UBXN2B: variants seen among roughly 807,000 people sequenced by gnomAD.
UBXN2B encodes UBX domain protein 2B, also known as UBX domain-containing protein 2B.
A neutral mutation model predicts 37.5 loss-of-function variants in UBXN2B; 19 were observed. The ratio of observed to expected loss-of-function variants is 0.51; its 90% CI spans 0.35 to 0.74. The LOEUF (loss-of-function observed/expected upper bound fraction) is 0.74, where lower values mean the gene tolerates loss of function less well. UBXN2B is among the 30% of genes least tolerant of loss of function. The pLI, the probability that UBXN2B is intolerant of heterozygous loss-of-function variation, is 0.01. For synonymous variants in UBXN2B, 145 were observed against 143.8 expected (o/e 1.01, Z -0.06); for missense variants, 370 against 393.2 (o/e 0.94, Z 0.50).
intron 5 of UBXN2B, chr8:58,434,866 T>C (rs1808372339): frequency 6.5e-7 from 1 of 1,535,522 alleles, no homozygotes; most frequent in African/African-American, 1.4e-5. Flanking sequence ...AGGGTGACTC[T>C]CATTGCATGT....
chr8:58,419,268 A>G (rs377101518), intron 2 of UBXN2B, among the ~76,000 whole-genome samples: 5 of 152,332 alleles, frequency 3.3e-5, no homozygotes, highest in African/African-American at 1.2e-4. Context: ...TTGATTTCAT[A>G]TTCAATATCG....
chr8:58,445,938 T>C lies in UBXN2B; in HGVS notation c.703T>C (p.Ser235Pro). The change falls in exon 7 of 8, where the codon TCT becomes CCT. Residue 235 changes from serine (S) to proline (P), a missense_variant. By Grantham distance (74) the Ser-to-Pro change is moderately conservative (BLOSUM62 -1). Transcript: ENST00000399598. ...LTPEIVSTPS[S>P]PEEEDKSILN... ...ACCTGAAATAGTCAGTACACCTTCC[T>C]CTCCAGAAGAGGAGGATAAATCAAT... 6.2e-7 allele frequency: 1 copy of C among 1,610,716 alleles called. No homozygotes were observed. The highest frequency in any genetic ancestry group is 8.5e-7 in the Non-Finnish European group (1 of 1,178,976).
At chr8:58,435,164 A>G (rs775240742) in intron 5 of UBXN2B, 4 of 1,333,236 alleles carry the variant, frequency 3.0e-6, no homozygotes, top group Non-Finnish European at 3.9e-6. Context: ...AGTTGAGCAT[A>G]AACTGGGGAA....
In UBXN2B at chr8:58,443,911, G is replaced by A. The variant is rs554436931; in HGVS notation, c.672-1996G>A. ...CAGCTATCTGTCTGTGTGGTTCTGAGCATGTCTTTTAGTCTCTCTGTGACT... is the reference window on the plus strand; with the variant it reads ...CAGCTATCTGTCTGTGTGGTTCTGAACATGTCTTTTAGTCTCTCTGTGACT... On this transcript the variant is annotated intron_variant, in intron 6 of 7. Coordinates refer to ENST00000399598, the MANE Select transcript of UBXN2B (RefSeq NM_001077619.2). Among the ~76,000 whole-genome samples, 9 of 152,254 alleles carry A rather than the reference G, an allele frequency of 5.9e-5. No homozygotes were observed. The South Asian group carries it at 1.7e-3, about 28-fold the overall frequency.
rs1379052783 is a variant in UBXN2B, at chr8:58,425,572, T to G, written c.189-4947T>G. 6.6e-6 allele frequency: 7 copies of G among 1,062,812 alleles called. No homozygotes were observed. The Admixed American group carries it at 6.9e-5, about 11-fold the overall frequency. The allele number at this position is 1,062,812 out of a possible 1,614,324, so 65.8% of individuals were successfully genotyped here. ...GTTTTTGTTTTCTTGCCTTTTACCC[T>G]CTTTTCGGCCGTAGAGAAGTATGCA... is the stretch of plus-strand genomic sequence containing the variant. On this transcript the variant is annotated intron_variant, in intron 2 of 7. Transcript: ENST00000399598.
At chr8:58,434,780 T>C in intron 5 of UBXN2B, 1 of 1,525,184 alleles carries the variant, frequency 6.6e-7, no homozygotes, top group Non-Finnish European at 8.8e-7. Context: ...AGAAGAAACA[T>C]CTTAATGTGA....
intron 6 of UBXN2B, among the ~76,000 whole-genome samples, chr8:58,445,031 C>G (rs1340459326): frequency 1.3e-5 from 2 of 152,136 alleles, no homozygotes; most frequent in East Asian, 3.8e-4. Context: ...AGGAAACCAT[C>G]TAAATCTCAG....
chr8:58,434,536 T>C (rs368824049), intron 5 of UBXN2B, 32 bp downstream of exon 5: 13 of 1,443,508 alleles, frequency 9.0e-6, no homozygotes, highest in Non-Finnish European at 1.2e-5. Flanking sequence ...CTATTTGTTA[T>C]GTAGAGTGGG....
chr8:58,451,194 A>T lies in UBXN2B; in HGVS notation c.*3643A>T, dbSNP rs1347930168. On this transcript the variant is annotated 3_prime_UTR_variant, in exon 8 of 8. Transcript: ENST00000399598. ...TTATCAGTTGAGTGCCTATAGATGC[A>T]CATACAAAAACAACTGCCATTTTTG... is the stretch of plus-strand genomic sequence containing the variant. The T allele has an allele frequency of 1.3e-5, 2 of 152,544 alleles. No homozygotes were observed. The highest frequency in any genetic ancestry group is 3.8e-4 in the East Asian group (2 of 5,200). 9.4% of individuals were successfully genotyped at this position (152,544 alleles called of 1,614,324 possible). A position where few individuals can be genotyped will look rare whatever the true frequency, so the allele number is the denominator to read the frequency against.
intron 2 of UBXN2B, chr8:58,425,121 T>C: frequency 1.2e-6 from 1 of 810,624 alleles, no homozygotes; most frequent in Non-Finnish European, 2.2e-6. Flanking sequence ...AAAAGTGGTA[T>C]TGCCAGACCA....
At chr8:58,435,769 G>A (rs1305507564) in intron 5 of UBXN2B, among the ~76,000 whole-genome samples, 1 of 152,120 alleles carries the variant, frequency 6.6e-6, no homozygotes, top group African/African-American at 2.4e-5. Flanking sequence ...TAAAATTTGA[G>A]CCACACCATA....
intron 2 of UBXN2B, chr8:58,426,824 C>T (rs920702582): frequency 1.7e-6 from 1 of 579,410 alleles, no homozygotes; most frequent in South Asian, 1.5e-5. Flanking sequence ...CACAGACCCC[C>T]CTCCAGGCCT....
chr8:58,425,146 C>T, intron 2 of UBXN2B: 1 of 844,504 alleles, frequency 1.2e-6, no homozygotes, highest in Non-Finnish European at 2.1e-6. Flanking sequence ...CTCCATATTC[C>T]CTTGCCCAAC....
intron 4 of UBXN2B, among the ~76,000 whole-genome samples, chr8:58,433,582 C>G (rs1174759473): frequency 1.3e-5 from 2 of 149,744 alleles, no homozygotes; most frequent in Non-Finnish European, 3.0e-5. Flanking sequence ...CAAGGCCAGC[C>G]CGGAAAACAT....
At chr8:58,413,808 T>A (rs1223904811) in intron 1 of UBXN2B, among the ~76,000 whole-genome samples, 1 of 152,090 alleles carries the variant, frequency 6.6e-6, no homozygotes, top group African/African-American at 2.4e-5. Flanking sequence ...GCTCCCTTCA[T>A]CCCCCTCAAA....
At chr8:58,434,369 AT>A (rs3080297) in intron 4 of UBXN2B, 25 bp from the exon 5 acceptor site, 7,966 of 301,566 alleles carry the variant, frequency 0.026, 127 homozygotes, top group Middle Eastern at 0.03. Flanking sequence ...ATATATATAT[AT>A]TTTTTTTTTT....
chr8:58,441,495 G>A (rs1359594082), intron 6 of UBXN2B, among the ~76,000 whole-genome samples: 1 of 151,688 alleles, frequency 6.6e-6, no homozygotes, highest in African/African-American at 2.4e-5. Flanking sequence ...CAGATAAAAT[G>A]CCTAGTCATC....
chr8:58,434,171 G>GT (rs2129604312), intron 4 of UBXN2B, among the ~76,000 whole-genome samples: 1 of 152,176 alleles, frequency 6.6e-6, no homozygotes, highest in African/African-American at 2.4e-5. Context: ...GCCATTGTCA[G>GT]TTTGTTAAGC....
chr8:58,424,439 A>AT (rs1204820633), intron 2 of UBXN2B: 5 of 536,324 alleles, frequency 9.3e-6, no homozygotes, highest in African/African-American at 1.9e-5. Context: ...ATGGTTTCAA[A>AT]TTTTGCTTAT....
Sources: gnomAD v4.1 joint callset for allele counts (sites outside exome capture counted in the v4.1 genomes callset) on GRCh38, gnomAD v4.1.1 for gene constraint, MANE v1.5 for transcripts, NCBI Gene and HGNC (gene_info 2026-07-23, HGNC 2026-07-21) for gene names.